The following PGAP4 variants were observed in gnomAD, a reference collection of about 807,000 sequenced individuals.
PGAP4 encodes post-GPI attachment to proteins GalNAc transferase 4, also known as GPI-N-acetylgalactosamine transferase PGAP4.
A neutral mutation model predicts 28.2 loss-of-function variants in PGAP4; 12 were observed. The observed-to-expected ratio is 0.42, with a 90% CI of 0.27 to 0.69. The LOEUF (loss-of-function observed/expected upper bound fraction) is 0.69, where lower values mean the gene tolerates loss of function less well. Ranked by LOEUF, PGAP4 falls within the 30% of genes least tolerant of loss-of-function variation. The pLI is 0.22. For synonymous variants in PGAP4, 205 were observed against 211.8 expected, an observed-to-expected ratio of 0.97 and a Z score of 0.28; for missense variants, 425 against 513.5, an observed-to-expected ratio of 0.83 and a Z score of 1.67.
chr9:101,523,419 C>A (rs569848035), intron 2 of PGAP4, among the ~76,000 whole-genome samples: 1 of 151,442 alleles, frequency 6.6e-6, no homozygotes, highest in East Asian at 1.9e-4. Context: ...TTTTCTTTGT[C>A]TTTGTTGGAT....
At chr9:101,530,233 C>T (rs1233552047) in intron 2 of PGAP4, among the ~76,000 whole-genome samples, 2 of 152,222 alleles carry the variant, frequency 1.3e-5, no homozygotes, top group African/African-American at 2.4e-5. Flanking sequence ...ATGACTGATG[C>T]GCAGTACTGT....
intron 2 of PGAP4, among the ~76,000 whole-genome samples, chr9:101,497,613 G>A (rs986726629): frequency 6.6e-5 from 10 of 151,546 alleles, no homozygotes; most frequent in African/African-American, 2.4e-4. Flanking sequence ...AAAGTTGTCT[G>A]ACCAGTAAAC....
intron 2 of PGAP4, among the ~76,000 whole-genome samples, chr9:101,509,657 T>C (rs984603414): frequency 1.4e-4 from 22 of 152,162 alleles, no homozygotes; most frequent in African/African-American, 5.3e-4. Context: ...ATGTGGTTGA[T>C]CATTTTAATC....
chr9:101,489,656 C>T (rs551853339), upstream of PGAP4, among the ~76,000 whole-genome samples: 3 of 152,310 alleles, frequency 2.0e-5, no homozygotes, highest in African/African-American at 7.2e-5. Flanking sequence ...CATCTTATCT[C>T]CTGCTAGTGT....
At chr9:101,500,814 T>G (rs1826790841) in intron 2 of PGAP4, among the ~76,000 whole-genome samples, 1 of 152,034 alleles carries the variant, frequency 6.6e-6, no homozygotes, top group African/African-American at 2.4e-5. Context: ...AAGATCTAGA[T>G]CCCCTTCTTG....
At chr9:101,507,585 G>C (rs941843016) in intron 2 of PGAP4, among the ~76,000 whole-genome samples, 3 of 152,060 alleles carry the variant, frequency 2.0e-5, no homozygotes, top group Non-Finnish European at 2.9e-5. Flanking sequence ...GAAAAAACAC[G>C]AGACAGCCTT....
chr9:101,515,655 T>G (rs12684621), intron 2 of PGAP4, among the ~76,000 whole-genome samples: 24,183 of 152,068 alleles, frequency 0.16, 2,424 homozygotes, highest in East Asian at 0.36. Flanking sequence ...TGTCAAAATA[T>G]TAAAAACTCT....
intron 2 of PGAP4, among the ~76,000 whole-genome samples, chr9:101,506,744 C>T (rs1319728837): frequency 6.6e-6 from 1 of 152,062 alleles, no homozygotes; most frequent in African/African-American, 2.4e-5. Context: ...CACTAAGCCT[C>T]TTCCCAAATT....
At chr9:101,508,581 T>G (rs1826869155) in intron 2 of PGAP4, among the ~76,000 whole-genome samples, 1 of 152,088 alleles carries the variant, frequency 6.6e-6, no homozygotes, top group South Asian at 2.1e-4. Flanking sequence ...ATCCTTCAGC[T>G]AAAAAGAAAA....
intron 2 of PGAP4, among the ~76,000 whole-genome samples, chr9:101,531,077 A>C (rs971988622): frequency 6.6e-6 from 1 of 152,016 alleles, no homozygotes; most frequent in Non-Finnish European, 1.5e-5. Context: ...TAAACTGCAA[A>C]TCTTTCCTGG....
intron 2 of PGAP4, among the ~76,000 whole-genome samples, chr9:101,506,072 A>G (rs1009503437): frequency 6.6e-6 from 1 of 152,096 alleles, no homozygotes; most frequent in African/African-American, 2.4e-5. Context: ...CATTTGTGCA[A>G]ACAACTGGGA....
intron 2 of PGAP4, among the ~76,000 whole-genome samples, chr9:101,517,904 G>A (rs945851050): frequency 6.6e-6 from 1 of 152,040 alleles, no homozygotes; most frequent in Non-Finnish European, 1.5e-5. Context: ...TTTTATTTTA[G>A]ATTCAAGAGA....
rs1011167875 is a variant in PGAP4 at position 101,474,576 on chromosome 9, A to C, written c.*1305T>G. 1 of 152,210 alleles carries C rather than the reference A, an allele frequency of 6.6e-6. No homozygotes were observed. Among genetic ancestry groups the C allele is most frequent in the Non-Finnish European group, 1.5e-5 (1 of 68,044 alleles). The allele number at this position is 152,210 out of a possible 1,614,324, so 9.4% of individuals were successfully genotyped here. A position where few individuals can be genotyped will look rare whatever the true frequency, so the allele number is the denominator to read the frequency against. On this transcript the variant is annotated 3_prime_UTR_variant, in exon 2 of 2. Coordinates refer to ENST00000374848, the MANE Select transcript of PGAP4 (RefSeq NM_032342.3). ...CTTGGGTGAACGTGGGGATAGGTGAAAGCTGAGCTGCACATCCTTCAGAGG... is the reference window on the plus strand; with the variant it reads ...CTTGGGTGAACGTGGGGATAGGTGACAGCTGAGCTGCACATCCTTCAGAGG...
chr9:101,502,318 C>T (rs1205735467), intron 2 of PGAP4, among the ~76,000 whole-genome samples: 2 of 152,078 alleles, frequency 1.3e-5, no homozygotes, highest in African/African-American at 2.4e-5. Context: ...CAGTGACGTA[C>T]TCTTTTGGGT....
intron 2 of PGAP4, among the ~76,000 whole-genome samples, chr9:101,514,835 C>T (rs1826929990): frequency 6.6e-6 from 1 of 152,102 alleles, no homozygotes; most frequent in Non-Finnish European, 1.5e-5. Context: ...AGGTGTGAAC[C>T]ATTTCCCTCA....
Position 101,474,713 on chromosome 9 carries a change from C to CT in PGAP4, c.*1167dup, listed in dbSNP as rs1379826467. On this transcript the variant is annotated 3_prime_UTR_variant, in exon 2 of 2. Coordinates refer to ENST00000374848, the MANE Select transcript of PGAP4 (RefSeq NM_032342.3). ...ATACTTTAAACAACATCACCAATAT[C>CT]TTTTTCCGAAATAAGCTTGAGTTGT... is the stretch of plus-strand genomic sequence containing the variant. 1 of 152,198 alleles carries CT rather than the reference C, an allele frequency of 6.6e-6. No homozygotes were observed. The highest frequency in any genetic ancestry group is 2.4e-5 in the African/African-American group (1 of 41,444). 9.4% of individuals were successfully genotyped at this position (152,198 alleles called of 1,614,324 possible).
At chr9:101,496,532 C>A (rs906967928) in intron 2 of PGAP4, among the ~76,000 whole-genome samples, 1 of 151,192 alleles carries the variant, frequency 6.6e-6, no homozygotes, top group Non-Finnish European at 1.5e-5. Context: ...TTTTTAATAT[C>A]AAAGCTTAAT....
At chr9:101,528,644 C>G (rs994349843) in intron 2 of PGAP4, among the ~76,000 whole-genome samples, 1 of 152,080 alleles carries the variant, frequency 6.6e-6, no homozygotes, top group Non-Finnish European at 1.5e-5. Context: ...TGAAAATTCA[C>G]AAAGACAACC....
At chr9:101,510,141 T>C (rs1339341835) in intron 2 of PGAP4, among the ~76,000 whole-genome samples, 2 of 152,210 alleles carry the variant, frequency 1.3e-5, no homozygotes, top group Admixed American at 1.3e-4. Flanking sequence ...TATCCTCTGC[T>C]ATTTCATCAA....
Sources: allele counts gnomAD v4.1 joint callset (sites outside exome capture counted in the v4.1 genomes callset), GRCh38; gene constraint gnomAD v4.1.1; transcripts MANE v1.5; gene names NCBI Gene and HGNC (gene_info 2026-07-23, HGNC 2026-07-21).